The following RERE variants were observed in gnomAD, a reference collection of about 807,000 sequenced individuals.
The protein encoded by RERE is arginine-glutamic acid dipeptide repeats.
A neutral mutation model predicts 146.1 loss-of-function variants in RERE; 40 were observed. That is an observed-to-expected ratio of 0.27 (90% CI 0.21 to 0.36). The LOEUF is 0.36. Among genes scored for constraint, RERE ranks in the 10% least tolerant of loss-of-function variants. The pLI is 1.00. For missense variants in RERE, 1,933 were observed against 2,138.7 expected, an observed-to-expected ratio of 0.90 and a Z score of 1.90; for synonymous variants, 1,003 against 866.0, an observed-to-expected ratio of 1.16 and a Z score of -2.78.
rs922651767 is a variant in RERE at position 8,578,096 on chromosome 1, G to GA, written c.523-20574dup. ...ACAGAGCAGGACTCCATCCGGGAAA[G>GA]AAAAAAAAAAGGGCGGGGGGGAGAG... On this transcript the variant is annotated intron_variant, in intron 4 of 22. Coordinates refer to ENST00000400908, the MANE Select transcript of RERE (RefSeq NM_001042681.2). Among the ~76,000 whole-genome samples, 18 of 144,102 alleles carry GA rather than the reference G, an allele frequency of 1.2e-4. No individual in the cohort carries two copies. In the South Asian group the frequency reaches 1.4e-3, roughly 11 times the overall value. 94.5% of individuals were successfully genotyped at this position (144,102 alleles called of 152,430 possible). A position where few individuals can be genotyped will look rare whatever the true frequency, so the allele number is the denominator to read the frequency against.
intron 19 of RERE, 67 bp from the exon 20 acceptor site, chr1:8,358,983 C>A (rs187697662): frequency 6.8e-6 from 10 of 1,478,624 alleles, no homozygotes; most frequent in Non-Finnish European, 8.9e-6. Context: ...GTCCACACTG[C>A]GGAGGTGGGC....
At position 8,465,914 on chromosome 1, in the gene RERE, T is replaced by C; in HGVS notation, c.1203+11A>G. 6.2e-7 allele frequency: 1 copy of C among 1,612,732 alleles called. No homozygotes were observed. The highest frequency in any genetic ancestry group is 2.2e-5 in the East Asian group (1 of 44,876). ...CCCCAGAGCACAAGGCAAATGCTGG[T>C]TCCTGCTCACCACTTCGTCCTCGGT... On this transcript the variant is annotated intron_variant, in intron 11 of 22. Coordinates refer to ENST00000400908, the MANE Select transcript of RERE (RefSeq NM_001042681.2).
intron 8 of RERE, among the ~76,000 whole-genome samples, chr1:8,501,903 C>T (rs1290895750): frequency 1.1e-4 from 9 of 85,548 alleles, no homozygotes; most frequent in African/African-American, 2.3e-4. Context: ...GTCAGCCCCC[C>T]GCCCGGCCAG....
Position 8,361,084 on chromosome 1 carries a change from G to A in RERE, c.2423C>T (p.Pro808Leu), listed in dbSNP as rs1641555816. The change falls in exon 18 of 23, where the codon CCC (proline) becomes CTC (leucine). Residue 808 changes from proline to leucine, a missense_variant. By Grantham distance (98) the Pro-to-Leu change is moderately conservative. This residue lies in a region of RERE where 1,255 missense variants were observed against 1,153.8 expected (regional missense o/e 1.09). Transcript: ENST00000400908. ...THIQQAPALH[P>L]QRPPSPHPPP... is the part of the protein sequence containing the mutation. ...GGGATGCGGTGAGGGCGGCCGCTGG[G>A]GGTGCAAGGCCGGTGCCTGTTGGAT... The A allele has an allele frequency of 6.9e-7, 1 of 1,440,070 alleles. No individual in the cohort carries two copies. The highest frequency in any genetic ancestry group is 9.1e-7 in the Non-Finnish European group (1 of 1,101,376). The allele number at this position is 1,440,070 out of a possible 1,614,324, so 89.2% of individuals were successfully genotyped here.
intron 17 of RERE, 87 bp downstream of exon 17, chr1:8,361,676 G>T: frequency 7.4e-7 from 1 of 1,356,528 alleles, no homozygotes; most frequent in Non-Finnish European, 1.0e-6. Flanking sequence ...AGGAGACAGG[G>T]CACGGCCACC....
rs374407185 is a variant in RERE, at chr1:8,364,167, C to T, written c.1629G>A (p.Pro543=). 33 of 1,614,022 alleles carry T rather than the reference C, an allele frequency of 2.0e-5. No individual in the cohort carries two copies. The highest frequency in any genetic ancestry group is 5.5e-5 in the South Asian group (5 of 91,086). Residue 543 remains proline (P), a synonymous_variant, in exon 15 of 23, where the codon CCG becomes CCA. Coordinates refer to ENST00000400908, the MANE Select transcript of RERE (RefSeq NM_001042681.2). This position sits in a 1 kb window ranked among gnomAD's most constrained non-coding sequence, Gnocchi z 5.1. The part of the protein sequence containing the change: ...RIHFKKYGEL[P]PIEKPVDPPP... ...GCGGGTCCACGGGCTTCTCAATGGG[C>T]GGGAGCTCACCGTATTTCTTGAAGT...
intron 4 of RERE, 104 bp from the exon 5 acceptor site, chr1:8,557,627 T>C (rs1400366752): frequency 8.3e-6 from 6 of 725,914 alleles, no homozygotes; most frequent in Non-Finnish European, 1.2e-5. Context: ...GACACGTAGA[T>C]AGGGAGAGAC....
At chr1:8,590,151 C>T (rs1201530851) in intron 4 of RERE, among the ~76,000 whole-genome samples, 3 of 152,018 alleles carry the variant, frequency 2.0e-5, no homozygotes, top group Admixed American at 6.5e-5. Flanking sequence ...AGTAAACAAA[C>T]CAACAAGGTA....
intron 1 of RERE, among the ~76,000 whole-genome samples, chr1:8,776,990 A>C (rs1641076762): frequency 6.6e-6 from 1 of 152,058 alleles, no homozygotes; most frequent in Admixed American, 6.6e-5. Context: ...CCACCTCCCA[A>C]AGTGCCAAAA....
chr1:8,420,849 A>G (rs1467400708), intron 12 of RERE, among the ~76,000 whole-genome samples: 1 of 152,224 alleles, frequency 6.6e-6, no homozygotes, highest in Non-Finnish European at 1.5e-5. Flanking sequence ...GAACTAGCTC[A>G]AAAGGTTGGT....
intron 2 of RERE, among the ~76,000 whole-genome samples, chr1:8,651,405 CTG>C (rs1647625876): frequency 6.6e-6 from 1 of 152,072 alleles, no homozygotes; most frequent in Non-Finnish European, 1.5e-5. Context: ...GTGAGACTCT[CTG>C]TTTTTTTTTA....
At chr1:8,741,382 G>A (rs1438152651) in intron 1 of RERE, among the ~76,000 whole-genome samples, 1 of 152,206 alleles carries the variant, frequency 6.6e-6, no homozygotes, top group East Asian at 1.9e-4. Flanking sequence ...ATGAAGGGGG[G>A]TGACATGGTT....
intron 7 of RERE, among the ~76,000 whole-genome samples, chr1:8,540,830 A>G (rs1405954432): frequency 6.6e-6 from 1 of 152,172 alleles, no homozygotes; most frequent in Non-Finnish European, 1.5e-5. Context: ...ACTTTCCAAA[A>G]TTACTTAGTC....
intron 12 of RERE, among the ~76,000 whole-genome samples, chr1:8,413,350 G>A (rs920255424): frequency 1.3e-5 from 2 of 152,014 alleles, no homozygotes; most frequent in South Asian, 2.1e-4. Context: ...TTTGTTTTTT[G>A]TTGTTGTTGT....
chr1:8,530,817 G>A (rs368290853), intron 7 of RERE, among the ~76,000 whole-genome samples: 1,638 of 146,668 alleles, frequency 0.011, 28 homozygotes, highest in African/African-American at 0.039. Flanking sequence ...TCAGCCTCCC[G>A]AGTAGCTGGG....
At chr1:8,503,400 C>A (rs1302033059) in intron 8 of RERE, among the ~76,000 whole-genome samples, 1 of 152,120 alleles carries the variant, frequency 6.6e-6, no homozygotes, top group Non-Finnish European at 1.5e-5. Context: ...GATACACTGG[C>A]AAAAACATCA....
At chr1:8,735,024 T>C (rs1036161055) in intron 1 of RERE, among the ~76,000 whole-genome samples, 1 of 152,244 alleles carries the variant, frequency 6.6e-6, no homozygotes, top group African/African-American at 2.4e-5. Context: ...ACTTGATACT[T>C]ATTGTGTCAA....
At chr1:8,410,512 A>C (rs1643584060) in intron 12 of RERE, among the ~76,000 whole-genome samples, 1 of 152,194 alleles carries the variant, frequency 6.6e-6, no homozygotes. Flanking sequence ...CAGCTTAATA[A>C]AAGGAAGGCG....
At chr1:8,494,965 C>T (rs1645026949) in intron 10 of RERE, 98 bp downstream of exon 10, 2 of 867,856 alleles carry the variant, frequency 2.3e-6, no homozygotes, top group African/African-American at 1.6e-5. Context: ...CCTGAGTCTA[C>T]AGGCGACTTC....
Sources: allele counts gnomAD v4.1 joint callset (sites outside exome capture counted in the v4.1 genomes callset), GRCh38; gene constraint gnomAD v4.1.1; regional missense constraint gnomAD v4.1.1; non-coding constraint Gnocchi (gnomAD v3.1); transcripts MANE v1.5; gene names NCBI Gene and HGNC (gene_info 2026-07-23, HGNC 2026-07-21).